PPP1R9A: variants seen among roughly 807,000 people sequenced by gnomAD.
PPP1R9A encodes neurabin-1.
A neutral mutation model predicts 141.9 loss-of-function variants in PPP1R9A; 59 were observed. That is an observed-to-expected ratio of 0.42 (90% CI 0.34 to 0.52). PPP1R9A has a LOEUF of 0.52. PPP1R9A is among the 20% of genes least tolerant of loss of function. The pLI, the probability that PPP1R9A is intolerant of heterozygous loss-of-function variation, is 0.10. For missense variants in PPP1R9A, 1,444 were observed against 1,611.9 expected (o/e 0.90, Z 1.78); for synonymous variants, 500 against 569.7 (o/e 0.88, Z 1.74).
rs897838647 is a variant in PPP1R9A at position 95,103,362 on chromosome 7, C to CT, written c.1396-7879dup. 6.5e-3 allele frequency among the ~76,000 whole-genome samples: 575 copies of CT among 88,824 alleles called. 57 individuals carry two copies. Among genetic ancestry groups the CT allele is most frequent in the African/African-American group, 7.5e-3 (161 of 21,366 alleles). The allele number at this position is 88,824 out of a possible 152,430, so 58.3% of individuals were successfully genotyped here. On this transcript the variant is annotated intron_variant, in intron 2 of 19. Transcript: ENST00000433360. ...GAGTATGTTTGGTTTTTTTTCACTT[C>CT]TTTTTTTTTTTTTTTTTTGAGACAG... is the stretch of plus-strand genomic sequence containing the variant.
intron 2 of PPP1R9A, among the ~76,000 whole-genome samples, chr7:95,096,895 G>A (rs1009408274): frequency 6.6e-6 from 1 of 151,976 alleles, no homozygotes; most frequent in Admixed American, 6.6e-5. Flanking sequence ...TTGCTTTCGG[G>A]GTCACTTGGG....
At chr7:95,055,877 A>G (rs1415913087) in intron 2 of PPP1R9A, among the ~76,000 whole-genome samples, 3 of 152,078 alleles carry the variant, frequency 2.0e-5, no homozygotes, top group Admixed American at 2.0e-4. Flanking sequence ...TTGCATACCT[A>G]TTTGAGCTTC....
Position 94,910,316 on chromosome 7 carries a change from A to T in PPP1R9A, c.203A>T (p.Asn68Ile). Residue 68 changes from asparagine to isoleucine, a missense_variant, in exon 2 of 20, where the codon AAC becomes ATC. Coordinates refer to ENST00000433360, the MANE Select transcript of PPP1R9A (RefSeq NM_001166160.2). This position sits in a 1 kb window ranked among gnomAD's most constrained non-coding sequence, Gnocchi z 4.5. The part of the protein sequence containing the change: ...KYGSNVNRIK[N>I]LFMQMGMEPN... ...GGCTCCAATGTCAACAGAATTAAAA[A>T]CCTATTTATGCAGATGGGTATGGAA... 1 of 1,613,982 alleles carries T rather than the reference A, an allele frequency of 6.2e-7. No individual in the cohort carries two copies. The highest frequency in any genetic ancestry group is 8.5e-7 in the Non-Finnish European group (1 of 1,179,990).
chr7:94,991,434 G>A (rs1304334092), intron 2 of PPP1R9A, among the ~76,000 whole-genome samples: 1 of 151,950 alleles, frequency 6.6e-6, no homozygotes, highest in African/African-American at 2.4e-5. Flanking sequence ...TTAATCTCCT[G>A]TCAGATGAAT....
At chr7:95,063,907 G>C (rs1812603640) in intron 2 of PPP1R9A, among the ~76,000 whole-genome samples, 1 of 152,066 alleles carries the variant, frequency 6.6e-6, no homozygotes, top group South Asian at 2.1e-4. Context: ...GAAATTATGT[G>C]TGGGGGCAGG....
At chr7:95,086,921 A>G (rs1050446630) in intron 2 of PPP1R9A, among the ~76,000 whole-genome samples, 2 of 151,882 alleles carry the variant, frequency 1.3e-5, no homozygotes, top group Admixed American at 1.3e-4. Context: ...AGTGGCTCAC[A>G]CCTGTAATCC....
At chr7:95,120,064 C>G (rs192633987) in intron 3 of PPP1R9A, among the ~76,000 whole-genome samples, 1 of 148,302 alleles carries the variant, frequency 6.7e-6, no homozygotes, top group Non-Finnish European at 1.5e-5. Flanking sequence ...TCAAACGATT[C>G]TCCTGCCTCA....
chr7:95,275,403 CA>C (rs10708689), intron 16 of PPP1R9A, among the ~76,000 whole-genome samples: 44,648 of 96,834 alleles, frequency 0.46, 6,430 homozygotes, highest in Middle Eastern at 0.63. Context: ...GACTCCGTCT[CA>C]AAAAAAAAAA....
chr7:95,193,791 A>T (rs920115006), intron 5 of PPP1R9A, among the ~76,000 whole-genome samples: 1 of 152,084 alleles, frequency 6.6e-6, no homozygotes, highest in Non-Finnish European at 1.5e-5. Flanking sequence ...TAGCAGCAGT[A>T]GTTTCTAATC....
intron 12 of PPP1R9A, among the ~76,000 whole-genome samples, chr7:95,255,722 A>C (rs1005049170): frequency 6.6e-5 from 10 of 152,174 alleles, no homozygotes; most frequent in Non-Finnish European, 1.3e-4. Context: ...AGGGAATTCA[A>C]AGAAGAGAAA....
At chr7:95,123,034 A>G (rs1460954156) in intron 4 of PPP1R9A, among the ~76,000 whole-genome samples, 1 of 152,050 alleles carries the variant, frequency 6.6e-6, no homozygotes, top group Non-Finnish European at 1.5e-5. Flanking sequence ...ATTAATAGCC[A>G]TGTAACAGAT....
In PPP1R9A at chr7:94,999,782, TTTATTTA is replaced by T. The variant is rs1563100967; in HGVS notation, c.1395+88277_1395+88283del. 6.2e-3 allele frequency among the ~76,000 whole-genome samples: 562 copies of T among 91,170 alleles called. 18 individuals are homozygous for T. The highest frequency in any genetic ancestry group is 0.036 in the East Asian group (165 of 4,572). 59.8% of individuals were successfully genotyped at this position (91,170 alleles called of 152,430 possible). On this transcript the variant is annotated intron_variant, in intron 2 of 19. Coordinates refer to ENST00000433360, the MANE Select transcript of PPP1R9A (RefSeq NM_001166160.2). ...AAACCAGCTGAGATATCTTATTTTA[TTTATTTA>T]TTTATTTATTTATTTATTTATTTAT...
At chr7:95,119,460 CTT>C (rs776975706) in intron 3 of PPP1R9A, among the ~76,000 whole-genome samples, 3 of 152,076 alleles carry the variant, frequency 2.0e-5, no homozygotes, top group African/African-American at 4.8e-5. Flanking sequence ...ATATCCATGA[CTT>C]ATCTTTTTTT....
intron 5 of PPP1R9A, among the ~76,000 whole-genome samples, chr7:95,189,433 CT>C (rs1195484637): frequency 1.4e-3 from 160 of 116,192 alleles, no homozygotes; most frequent in South Asian, 8.9e-3. Flanking sequence ...TTTGTTTATT[CT>C]TTTTTTTTTT....
intron 16 of PPP1R9A, among the ~76,000 whole-genome samples, chr7:95,281,428 A>C (rs1465780761): frequency 1.3e-5 from 2 of 152,172 alleles, no homozygotes; most frequent in African/African-American, 4.8e-5. Context: ...GGGTATCACC[A>C]GAGGCCCAGC....
At chr7:94,922,499 A>C (rs1357110473) in intron 2 of PPP1R9A, among the ~76,000 whole-genome samples, 3 of 152,148 alleles carry the variant, frequency 2.0e-5, no homozygotes, top group African/African-American at 7.2e-5. Context: ...GTAAAAGTTA[A>C]AGCAACTCAC....
chr7:95,134,484 T>C (rs1825268530), intron 4 of PPP1R9A, among the ~76,000 whole-genome samples: 1 of 152,198 alleles, frequency 6.6e-6, no homozygotes, highest in Non-Finnish European at 1.5e-5. Context: ...TTGCCCAGTC[T>C]AGAGTGCAAT....
intron 5 of PPP1R9A, among the ~76,000 whole-genome samples, chr7:95,184,571 A>G (rs1435522398): frequency 1.3e-5 from 2 of 152,170 alleles, no homozygotes; most frequent in Non-Finnish European, 2.9e-5. Flanking sequence ...CCATCACCCA[A>G]GCAGTGTACA....
chr7:95,120,846 T>G lies in PPP1R9A; in HGVS notation c.1649+14T>G. On this transcript the variant is annotated intron_variant, in intron 4 of 19. Transcript: ENST00000433360. ...ACGGGATGGCAGGTAAATTAAGGAC[T>G]GTTGTTAATAACTTAAAATCTTTAG... 1 of 1,607,688 alleles carries G rather than the reference T, an allele frequency of 6.2e-7. No homozygotes were observed. Among genetic ancestry groups the G allele is most frequent in the African/African-American group, 1.3e-5 (1 of 74,796 alleles).
Sources: gnomAD v4.1 joint callset for allele counts (sites outside exome capture counted in the v4.1 genomes callset) on GRCh38, gnomAD v4.1.1 for gene constraint, Gnocchi (gnomAD v3.1) non-coding constraint, MANE v1.5 for transcripts, NCBI Gene and HGNC (gene_info 2026-07-23, HGNC 2026-07-21) for gene names.